The following GARRE1 variants were observed in gnomAD, a reference collection of about 807,000 sequenced individuals.
GARRE1 encodes granule associated Rac and RHOG effector protein 1.
A neutral mutation model predicts 103.2 loss-of-function variants in GARRE1; 49 were observed. The ratio of observed to expected loss-of-function variants is 0.47; its 90% CI spans 0.38 to 0.60. The LOEUF is 0.60. Among genes scored for constraint, GARRE1 ranks in the 20% least tolerant of loss-of-function variants. The probability of loss-of-function intolerance (pLI) is 0.00; values close to 1 mark genes in which losing one functional copy is unlikely to be tolerated. For missense variants in GARRE1, 1,199 were observed against 1,370.5 expected (o/e 0.87, Z 1.98); for synonymous variants, 505 against 532.8 (o/e 0.95, Z 0.72).
At chr19:34,259,542 T>C (rs1248129613) in intron 1 of GARRE1, among the ~76,000 whole-genome samples, 1 of 152,164 alleles carries the variant, frequency 6.6e-6, no homozygotes, top group Non-Finnish European at 1.5e-5. Context: ...GTATTATAAG[T>C]GCCTAGAAGG....
chr19:34,314,697 G>A lies in GARRE1; in HGVS notation c.496-5210G>A, dbSNP rs1043448639. On this transcript the variant is annotated intron_variant, in intron 2 of 13. Transcript: ENST00000299505. Reference sequence around the variant, plus strand: ...CCTCGTTTGTTCTAAACATAGCATGGCACCTTTTGTATCCTGTAGGTTATT... The same window carrying A: ...CCTCGTTTGTTCTAAACATAGCATGACACCTTTTGTATCCTGTAGGTTATT... 2.6e-5 allele frequency among the ~76,000 whole-genome samples: 4 copies of A among 152,290 alleles called. No individual in the cohort carries two copies. The South Asian group carries it at 8.3e-4, about 32-fold the overall frequency.
At chr19:34,286,856 A>G (rs2073890071) in intron 1 of GARRE1, among the ~76,000 whole-genome samples, 1 of 152,170 alleles carries the variant, frequency 6.6e-6, no homozygotes, top group South Asian at 2.1e-4. Context: ...GTTGCACTAC[A>G]GTCGGCATCA....
At chr19:34,267,566 C>T (rs1599746952) in intron 1 of GARRE1, among the ~76,000 whole-genome samples, 1 of 152,072 alleles carries the variant, frequency 6.6e-6, no homozygotes, top group African/African-American at 2.4e-5. Context: ...TTTAAGTCTT[C>T]TTAAATAACT....
At chr19:34,259,663 TTTG>T (rs1487344401) in intron 1 of GARRE1, among the ~76,000 whole-genome samples, 5 of 150,456 alleles carry the variant, frequency 3.3e-5, no homozygotes, top group African/African-American at 4.9e-5. Flanking sequence ...GTTTTTTTTG[TTTG>T]TTTGTTTGTT....
intron 7 of GARRE1, among the ~76,000 whole-genome samples, chr19:34,330,901 ATT>A (rs35469834): frequency 1.2e-3 from 160 of 138,352 alleles, no homozygotes; most frequent in Admixed American, 1.3e-3. Context: ...CATCTGGCTA[ATT>A]TTTTTTTTTT....
intron 1 of GARRE1, among the ~76,000 whole-genome samples, chr19:34,275,136 T>C (rs2073809392): frequency 6.6e-6 from 1 of 151,508 alleles, no homozygotes; most frequent in African/African-American, 2.4e-5. Flanking sequence ...ATTTGCATTT[T>C]TGTGGATTGG....
chr19:34,315,046 T>C (rs1176148802), intron 2 of GARRE1, among the ~76,000 whole-genome samples: 2 of 152,202 alleles, frequency 1.3e-5, no homozygotes, highest in Non-Finnish European at 2.9e-5. Context: ...ATTGAATGCT[T>C]TGGAATTTCT....
intron 3 of GARRE1, among the ~76,000 whole-genome samples, chr19:34,321,223 A>AT (rs71165648): frequency 0.28 from 21,676 of 76,994 alleles, 5,054 homozygotes; most frequent in Non-Finnish European, 0.42. Context: ...AGCCCGGCTA[A>AT]TTTTTTTTTT....
chr19:34,354,673 A>G lies in GARRE1; in HGVS notation c.*1718A>G, dbSNP rs2145293586. ...GGTGACAGAGTGAGATTCCGTCTCA[A>G]CAAGAAAAAAAAAAAAGAATATATA... On this transcript the variant is annotated 3_prime_UTR_variant, in exon 14 of 14. Coordinates refer to ENST00000299505, the MANE Select transcript of GARRE1 (RefSeq NM_014686.5). 1.3e-5 allele frequency: 2 copies of G among 152,100 alleles called. No individual in the cohort carries two copies. The highest frequency in any genetic ancestry group is 4.2e-4 in the South Asian group (2 of 4,782). 9.4% of individuals were successfully genotyped at this position (152,100 alleles called of 1,614,324 possible).
chr19:34,289,449 A>G (rs1247677999), intron 1 of GARRE1, among the ~76,000 whole-genome samples: 3 of 147,312 alleles, frequency 2.0e-5, no homozygotes, highest in Non-Finnish European at 4.5e-5. Context: ...CTCCAAGGCC[A>G]GGCATGGTGG....
chr19:34,345,607 G>A (rs1457117430), intron 10 of GARRE1, among the ~76,000 whole-genome samples: 1 of 152,160 alleles, frequency 6.6e-6, no homozygotes, highest in African/African-American at 2.4e-5. Context: ...ATTGCTTGAG[G>A]CCAGGAGTTC....
intron 8 of GARRE1, among the ~76,000 whole-genome samples, chr19:34,335,933 C>A (rs916168265): frequency 6.6e-6 from 1 of 152,028 alleles, no homozygotes; most frequent in Admixed American, 6.6e-5. Flanking sequence ...GTCCTAAAAC[C>A]TCCCTTCTAT....
chr19:34,316,354 TTGAC>T (rs1224861911), intron 2 of GARRE1, among the ~76,000 whole-genome samples: 2 of 152,198 alleles, frequency 1.3e-5, no homozygotes, highest in African/African-American at 2.4e-5. Context: ...GTTCTGCAAT[TTGAC>T]TGAACCACAC....
intron 2 of GARRE1, among the ~76,000 whole-genome samples, chr19:34,318,461 C>G (rs2074070082): frequency 6.6e-6 from 1 of 152,222 alleles, no homozygotes; most frequent in African/African-American, 2.4e-5. Flanking sequence ...TGAGGGCCGG[C>G]TGTGAGTAGG....
At chr19:34,273,151 G>A (rs959513719) in intron 1 of GARRE1, among the ~76,000 whole-genome samples, 2 of 152,182 alleles carry the variant, frequency 1.3e-5, no homozygotes, top group African/African-American at 4.8e-5. Context: ...GCAGTGAGCC[G>A]AGATTGTGCC....
At chr19:34,269,820 A>G (rs768446493) in intron 1 of GARRE1, among the ~76,000 whole-genome samples, 3 of 152,202 alleles carry the variant, frequency 2.0e-5, no homozygotes, top group Non-Finnish European at 4.4e-5. Flanking sequence ...ACTCTGCTAG[A>G]ACAGTTCAGT....
chr19:34,289,172 C>T (rs769371377), intron 1 of GARRE1, among the ~76,000 whole-genome samples: 3 of 151,014 alleles, frequency 2.0e-5, no homozygotes, highest in African/African-American at 4.9e-5. Flanking sequence ...TGGCGGCTCA[C>T]GCCTATAATC....
intron 8 of GARRE1, 70 bp downstream of exon 8, chr19:34,333,871 C>T (rs370603314): frequency 5.2e-6 from 5 of 965,158 alleles, no homozygotes; most frequent in Admixed American, 1.8e-5. Flanking sequence ...AAATGATGGC[C>T]TTGTTTTGAA....
At chr19:34,298,572 G>A (rs1304057440) in intron 1 of GARRE1, among the ~76,000 whole-genome samples, 1 of 151,800 alleles carries the variant, frequency 6.6e-6, no homozygotes, top group African/African-American at 2.4e-5. Context: ...AATTAGCCAG[G>A]CATGGTGGGC....
Sources: gnomAD v4.1 joint callset for allele counts (sites outside exome capture counted in the v4.1 genomes callset) on GRCh38, gnomAD v4.1.1 for gene constraint, MANE v1.5 for transcripts, NCBI Gene and HGNC (gene_info 2026-07-23, HGNC 2026-07-21) for gene names.